TBCD: variants seen among roughly 807,000 people sequenced by gnomAD.
TBCD encodes tubulin-specific chaperone D.
A neutral mutation model predicts 169.3 loss-of-function variants in TBCD; 105 were observed. That is an observed-to-expected ratio of 0.62 (90% CI 0.53 to 0.73). The LOEUF is 0.73. Among genes scored for constraint, TBCD ranks in the 30% least tolerant of loss-of-function variants. The pLI is 0.00. For synonymous variants in TBCD, 700 were observed against 643.9 expected (o/e 1.09, Z -1.32); for missense variants, 1,444 against 1,600.1 (o/e 0.90, Z 1.66).
At position 82,766,195 on chromosome 17, in the gene TBCD, A is replaced by G. The variant is rs984777642; in HGVS notation, c.334-72A>G. The stretch of plus-strand genomic sequence containing the variant: ...TCGCGTAGCTGGTGATTTTTGATGA[A>G]AGGGTAGAAAGGCAATTTTGCTGCT... On this transcript the variant is annotated intron_variant, in intron 3 of 38. Coordinates refer to ENST00000355528, the MANE Select transcript of TBCD (RefSeq NM_005993.5). 3.6e-5 allele frequency: 45 copies of G among 1,260,682 alleles called. No homozygotes were observed. In the Admixed American group the frequency reaches 9.1e-4, roughly 25 times the overall value. 78.1% of individuals were successfully genotyped at this position (1,260,682 alleles called of 1,614,324 possible).
At chr17:82,807,724 G>T in intron 11 of TBCD, 56 bp downstream of exon 11, 1 of 1,328,568 alleles carries the variant, frequency 7.5e-7, no homozygotes. Flanking sequence ...TCTCCTGTGC[G>T]ATTCAGCAGC....
At chr17:82,775,412 A>T (rs1262834212) in intron 6 of TBCD, among the ~76,000 whole-genome samples, 1 of 151,994 alleles carries the variant, frequency 6.6e-6, no homozygotes, top group African/African-American at 2.4e-5. Flanking sequence ...AGTTTCCTGT[A>T]CTTCTCAGAC....
intron 9 of TBCD, among the ~76,000 whole-genome samples, chr17:82,801,581 CTCGG>C (rs2050533831): frequency 2.7e-5 from 3 of 111,650 alleles, no homozygotes; most frequent in Non-Finnish European, 3.5e-5. Flanking sequence ...CGTCGTGTGG[CTCGG>C]TCAGCGTGGC....
intron 13 of TBCD, chr17:82,838,796 T>C (rs113792163): frequency 7.1e-6 from 7 of 985,394 alleles, no homozygotes; most frequent in African/African-American, 7.0e-5. Flanking sequence ...GGCTCTTAAC[T>C]CTAGTTTCGG....
intron 2 of TBCD, among the ~76,000 whole-genome samples, chr17:82,763,042 G>T (rs1003947677): frequency 1.3e-5 from 2 of 152,166 alleles, no homozygotes; most frequent in African/African-American, 4.8e-5. Context: ...TCTGTTGTTG[G>T]GTAGATTGTT....
In TBCD at chr17:82,907,769, C is replaced by T. The variant is rs368254454; in HGVS notation, c.1931C>T (p.Thr644Met). 1.1e-4 allele frequency: 171 copies of T among 1,613,664 alleles called. No individual in the cohort carries two copies. The highest frequency in any genetic ancestry group is 1.4e-4 in the Non-Finnish European group (161 of 1,179,824). Reference sequence around the variant, plus strand: ...TGTTTGAACTTCTGCAGGCCCGTCACGGACCATCTGGACGAGCAGGCAGTG... The same window carrying T: ...TGTTTGAACTTCTGCAGGCCCGTCATGGACCATCTGGACGAGCAGGCAGTG... ...KLAAQENRPV[T>M]DHLDEQAVQG... The change falls in exon 21 of 39, where the codon ACG becomes ATG. Residue 644 changes from threonine (T) to methionine (M), a missense_variant. Coordinates refer to ENST00000355528, the MANE Select transcript of TBCD (RefSeq NM_005993.5).
At chr17:82,781,317 CG>C (rs1295383712) in intron 6 of TBCD, among the ~76,000 whole-genome samples, 6 of 6,456 alleles carry the variant, frequency 9.3e-4, no homozygotes, top group South Asian at 5.7e-3. Context: ...AGGGGGCAGG[CG>C]GGGGGGGATG....
intron 15 of TBCD, among the ~76,000 whole-genome samples, chr17:82,888,489 G>A (rs913456631): frequency 2.0e-5 from 3 of 152,218 alleles, no homozygotes; most frequent in African/African-American, 4.8e-5. Flanking sequence ...GCCTTTTGGC[G>A]GGTTTTGTTT....
chr17:82,857,901 A>C (rs7220732), intron 13 of TBCD, among the ~76,000 whole-genome samples: 86,764 of 148,456 alleles, frequency 0.58, 25,044 homozygotes, highest in East Asian at 0.72. Context: ...GTCATCTAGC[A>C]TTATTTTAAT....
chr17:82,757,174 C>T (rs924917680), intron 2 of TBCD, among the ~76,000 whole-genome samples: 2 of 152,196 alleles, frequency 1.3e-5, no homozygotes, highest in African/African-American at 4.8e-5. Context: ...TTTCACCATT[C>T]AGTTTTTGAG....
intron 13 of TBCD, among the ~76,000 whole-genome samples, chr17:82,829,104 A>AC (rs1046045767): frequency 1.5e-5 from 2 of 135,536 alleles, no homozygotes; most frequent in African/African-American, 5.7e-5. Flanking sequence ...TTGAATGCGC[A>AC]CCCCCCACAG....
rs761196902 is a variant in TBCD, at chr17:82,752,237, A to C, written c.44A>C (p.Glu15Ala). ...CCGGCCGCGGGCGGCCCCGAGGAGG[A>C]GGCGGAGGACGAGACACTGGCCTTT... ...DEPAAGGPEE[E>A]AEDETLAFGA... The change falls in exon 1 of 39, where the codon GAG (glutamate) becomes GCG (alanine). Residue 15 changes from glutamate (E) to alanine (A), a missense_variant. By Grantham distance (107) the Glu-to-Ala change is moderately radical. Transcript: ENST00000355528. 10 of 1,525,988 alleles carry C rather than the reference A, an allele frequency of 6.6e-6. No individual in the cohort carries two copies. The South Asian group carries it at 1.2e-4, about 18-fold the overall frequency. 94.5% of individuals were successfully genotyped at this position (1,525,988 alleles called of 1,614,324 possible).
intron 21 of TBCD, chr17:82,908,220 G>A (rs1202013034): frequency 4.6e-6 from 2 of 437,150 alleles, no homozygotes; most frequent in Non-Finnish European, 9.2e-6. Context: ...CCAACTCTGG[G>A]TGGGGGCATT....
chr17:82,937,389 C>G, intron 35 of TBCD, 29 bp downstream of exon 35: 1 of 1,605,466 alleles, frequency 6.2e-7, no homozygotes, highest in Non-Finnish European at 8.5e-7. Flanking sequence ...TGGCCTTAGA[C>G]GGAATGGCAG....
chr17:82,792,474 G>A (rs1392473363), intron 7 of TBCD, among the ~76,000 whole-genome samples: 23 of 152,186 alleles, frequency 1.5e-4, no homozygotes, highest in Admixed American at 1.5e-3. Flanking sequence ...GGACTCTAGT[G>A]CGATACACTG....
intron 14 of TBCD, among the ~76,000 whole-genome samples, chr17:82,878,426 G>A (rs956260609): frequency 6.6e-6 from 1 of 152,200 alleles, no homozygotes; most frequent in Admixed American, 6.5e-5. Flanking sequence ...CTGCCAGCCT[G>A]CTTTCCGCCC....
At chr17:82,907,456 G>A (rs1383165732) in intron 20 of TBCD, among the ~76,000 whole-genome samples, 4 of 152,264 alleles carry the variant, frequency 2.6e-5, no homozygotes, top group Non-Finnish European at 5.9e-5. Context: ...GCGGAGGTGG[G>A]GGGATTGTTA....
In TBCD at chr17:82,832,652, G is replaced by C. The variant is rs1287156131; in HGVS notation, c.1318+17718G>C. On this transcript the variant is annotated intron_variant, in intron 13 of 38. Coordinates refer to ENST00000355528, the MANE Select transcript of TBCD (RefSeq NM_005993.5). This position sits in a 1 kb window ranked among gnomAD's most constrained non-coding sequence, Gnocchi z 4.9. Reference sequence around the variant, plus strand: ...CGGCTGGGAGCTGTAATAAAGAGCAGTCTTGGTGTCAGGACAGCGAGTGAG... The same window carrying C: ...CGGCTGGGAGCTGTAATAAAGAGCACTCTTGGTGTCAGGACAGCGAGTGAG... The C allele has an allele frequency of 1.6e-6, 1 of 620,706 alleles. No homozygotes were observed. Among genetic ancestry groups the C allele is most frequent in the African/African-American group, 1.8e-5 (1 of 54,374 alleles). 38.4% of individuals were successfully genotyped at this position (620,706 alleles called of 1,614,324 possible). A position where few individuals can be genotyped will look rare whatever the true frequency, so the allele number is the denominator to read the frequency against.
chr17:82,797,447 G>A (rs2050180651), intron 7 of TBCD, among the ~76,000 whole-genome samples: 1 of 152,158 alleles, frequency 6.6e-6, no homozygotes, highest in Admixed American at 6.5e-5. Flanking sequence ...CAGGCTAGTA[G>A]TGCCCTGAAC....
Sources: gnomAD v4.1 joint callset for allele counts (sites outside exome capture counted in the v4.1 genomes callset) on GRCh38, gnomAD v4.1.1 for gene constraint, Gnocchi (gnomAD v3.1) non-coding constraint, MANE v1.5 for transcripts, NCBI Gene and HGNC (gene_info 2026-07-23, HGNC 2026-07-21) for gene names.